XKR4: variants seen among roughly 807,000 people sequenced by gnomAD.
XKR4 encodes XK related 4, also known as XK-related protein 4.
In XKR4, 12 loss-of-function variants were observed where a neutral mutation model predicts 53.9. That is an observed-to-expected ratio of 0.22 (90% confidence interval 0.14 to 0.36). The LOEUF is 0.36. XKR4 is among the 10% of genes least tolerant of loss of function. XKR4 has a pLI of 1.00. For synonymous variants in XKR4, 354 were observed against 362.4 expected, an observed-to-expected ratio of 0.98 and a Z score of 0.26; for missense variants, 799 against 859.5, an observed-to-expected ratio of 0.93 and a Z score of 0.88.
chr8:55,488,129 T>C (rs180901956), intron 2 of XKR4, among the ~76,000 whole-genome samples: 62 of 152,358 alleles, frequency 4.1e-4, no homozygotes, highest in Admixed American at 4.0e-3. Context: ...CAGCAGCAGA[T>C]TGTAACATGT....
chr8:55,376,878 C>G lies in XKR4; in HGVS notation c.1006+19001C>G, dbSNP rs1043871167. Among the ~76,000 whole-genome samples, 152 of 148,226 alleles carry G rather than the reference C, an allele frequency of 1.0e-3. 1 individual carries two copies. The highest frequency in any genetic ancestry group is 3.4e-3 in the African/African-American group (141 of 40,936). ...TTTCTATTTTCTCATCTCTCACCCT[C>G]TCTCTCTCTCTCTCTGTCTCTCTGT... On this transcript the variant is annotated intron_variant, in intron 2 of 2. Coordinates refer to ENST00000327381, the MANE Select transcript of XKR4 (RefSeq NM_052898.2).
intron 1 of XKR4, among the ~76,000 whole-genome samples, chr8:55,145,061 G>A (rs1474303659): frequency 6.6e-6 from 1 of 151,890 alleles, no homozygotes; most frequent in African/African-American, 2.4e-5. Flanking sequence ...CAAACCCCCG[G>A]CCTCCAGGGA....
chr8:55,172,357 A>C (rs1817173365), intron 1 of XKR4, among the ~76,000 whole-genome samples: 1 of 152,126 alleles, frequency 6.6e-6, no homozygotes, highest in South Asian at 2.1e-4. Flanking sequence ...CTCATGGTAC[A>C]AAAATCCATC....
intron 2 of XKR4, among the ~76,000 whole-genome samples, chr8:55,470,709 A>G (rs946138430): frequency 2.0e-5 from 3 of 152,182 alleles, no homozygotes; most frequent in Non-Finnish European, 4.4e-5. Flanking sequence ...AACAATAACT[A>G]TCATTATCAT....
rs1196007630 is a variant in XKR4 at position 55,103,161 on chromosome 8, G to T, written c.673G>T (p.Ala225Ser). 1.2e-6 allele frequency: 2 copies of T among 1,614,042 alleles called. No individual in the cohort carries two copies. The highest frequency in any genetic ancestry group is 1.7e-5 in the Admixed American group (1 of 60,026). The stretch of plus-strand genomic sequence containing the variant: ...ATCTAACGCCAGCAAGAGCAACATC[G>T]CCGCGGCCAACAGCGGCAGCAACAG... ...QASNASKSNI[A>S]AANSGSNSSG... is the part of the protein sequence containing the mutation. Residue 225 changes from alanine (A) to serine (S), a missense_variant, in exon 1 of 3, where the codon GCC becomes TCC. This residue lies in a region of XKR4 where 476 missense variants were observed against 505.4 expected (regional missense o/e 0.94). Coordinates refer to ENST00000327381, the MANE Select transcript of XKR4 (RefSeq NM_052898.2).
At chr8:55,180,066 G>T (rs1358328088) in intron 1 of XKR4, among the ~76,000 whole-genome samples, 1 of 152,136 alleles carries the variant, frequency 6.6e-6, no homozygotes, top group African/African-American at 2.4e-5. Flanking sequence ...GCTATATCTT[G>T]ATGTCAACAC....
At chr8:55,190,656 T>G (rs1196874679) in intron 1 of XKR4, among the ~76,000 whole-genome samples, 7 of 152,174 alleles carry the variant, frequency 4.6e-5, no homozygotes, top group African/African-American at 7.2e-5. Context: ...AATAAAAATG[T>G]ATTTGAAAAG....
At chr8:55,304,362 C>A (rs193078872) in intron 1 of XKR4, among the ~76,000 whole-genome samples, 1 of 152,104 alleles carries the variant, frequency 6.6e-6, no homozygotes, top group East Asian at 1.9e-4. Flanking sequence ...GTCTGAGAGA[C>A]AGTTTGTTAT....
intron 2 of XKR4, among the ~76,000 whole-genome samples, chr8:55,425,331 G>A (rs1255501041): frequency 6.6e-6 from 1 of 152,142 alleles, no homozygotes; most frequent in Non-Finnish European, 1.5e-5. Context: ...CCTGGAGGTT[G>A]GCCCCTCACC....
intron 1 of XKR4, chr8:55,142,468 C>T (rs1377383602): frequency 4.5e-5 from 8 of 176,702 alleles, no homozygotes; most frequent in Non-Finnish European, 9.8e-5. Flanking sequence ...CTCCAAACCA[C>T]ATGCAGGCCA....
intron 1 of XKR4, among the ~76,000 whole-genome samples, chr8:55,190,945 TTGCTGATAA>T (rs1817437184): frequency 6.6e-6 from 1 of 152,350 alleles, no homozygotes; most frequent in African/African-American, 2.4e-5. Context: ...TGGACTAGGC[TTGCTGATAA>T]TGCCAACCTT....
intron 1 of XKR4, among the ~76,000 whole-genome samples, chr8:55,301,610 C>G (rs1476229759): frequency 6.6e-6 from 1 of 152,192 alleles, no homozygotes; most frequent in Non-Finnish European, 1.5e-5. Flanking sequence ...ACAGTCCCAG[C>G]AGCAGTGTAA....
At chr8:55,250,708 T>A (rs1818351306) in intron 1 of XKR4, among the ~76,000 whole-genome samples, 1 of 152,260 alleles carries the variant, frequency 6.6e-6, no homozygotes, top group African/African-American at 2.4e-5. Context: ...CTCATCATCT[T>A]ATTTGAAATG....
intron 1 of XKR4, among the ~76,000 whole-genome samples, chr8:55,190,073 T>C (rs1817425143): frequency 6.6e-6 from 1 of 152,246 alleles, no homozygotes. Context: ...AAACATTGGC[T>C]TTAATCTGCG....
At chr8:55,233,602 G>A (rs147524829) in intron 1 of XKR4, among the ~76,000 whole-genome samples, 1 of 152,380 alleles carries the variant, frequency 6.6e-6, no homozygotes, top group East Asian at 1.9e-4. Context: ...CTGCCACACT[G>A]AGGTGGACCT....
chr8:55,424,153 C>T (rs1383796749), intron 2 of XKR4, among the ~76,000 whole-genome samples: 1 of 152,168 alleles, frequency 6.6e-6, no homozygotes, highest in Admixed American at 6.5e-5. Flanking sequence ...TGCCCTGTAC[C>T]CCAGGAATCA....
intron 1 of XKR4, among the ~76,000 whole-genome samples, chr8:55,132,644 T>C (rs1014536091): frequency 6.6e-6 from 1 of 152,168 alleles, no homozygotes; most frequent in African/African-American, 2.4e-5. Flanking sequence ...TATTAACCTC[T>C]GCACTAGAAT....
intron 1 of XKR4, among the ~76,000 whole-genome samples, chr8:55,214,436 C>T (rs1388225414): frequency 6.6e-6 from 1 of 152,074 alleles, no homozygotes; most frequent in Non-Finnish European, 1.5e-5. Context: ...TAGCTCAATA[C>T]CCTACTATAG....
At chr8:55,458,470 G>A (rs1422350784) in intron 2 of XKR4, among the ~76,000 whole-genome samples, 1 of 152,252 alleles carries the variant, frequency 6.6e-6, no homozygotes, top group Non-Finnish European at 1.5e-5. Flanking sequence ...GATGGCTTAA[G>A]TATTAGACAG....
Sources: gnomAD v4.1 joint callset for allele counts (sites outside exome capture counted in the v4.1 genomes callset) on GRCh38, gnomAD v4.1.1 for gene constraint, gnomAD v4.1.1 regional missense constraint, MANE v1.5 for transcripts, NCBI Gene and HGNC (gene_info 2026-07-23, HGNC 2026-07-21) for gene names.